DPP9: variants seen among roughly 807,000 people sequenced by gnomAD.
DPP9 encodes dipeptidyl peptidase IV-related protein-2.
In DPP9, 50 loss-of-function variants were observed where a neutral mutation model predicts 110.7. The observed-to-expected ratio is 0.45, with a 90% confidence interval of 0.36 to 0.57. DPP9 has a LOEUF of 0.57. DPP9 is among the 20% of genes least tolerant of loss of function. The pLI, the probability that DPP9 is intolerant of heterozygous loss-of-function variation, is 0.00. For missense variants in DPP9, 1,022 were observed against 1,217.9 expected (o/e 0.84, Z 2.39); for synonymous variants, 561 against 514.4 (o/e 1.09, Z -1.23).
At chr19:4,690,501 G>A (rs932139924) in intron 14 of DPP9, among the ~76,000 whole-genome samples, 10 of 152,218 alleles carry the variant, frequency 6.6e-5, no homozygotes, top group African/African-American at 2.4e-4. Context: ...GGAGCATCAT[G>A]CCCCACAACA....
At position 4,685,849 on chromosome 19, in the gene DPP9, A is replaced by G; in HGVS notation, c.1886-78T>C. ...ACACCCTTGTTCTCCTGCCCACCCCAAGCCTTGGAGGGTGGACCAAAGCAC... is the reference window on the plus strand; with the variant it reads ...ACACCCTTGTTCTCCTGCCCACCCCGAGCCTTGGAGGGTGGACCAAAGCAC... On this transcript the variant is annotated intron_variant, in intron 16 of 21. Transcript: ENST00000262960. The surrounding 1 kb of genome is among the most constrained non-coding windows in gnomAD (Gnocchi z 5.8). The G allele has an allele frequency of 6.5e-7, 1 of 1,548,440 alleles. No homozygotes were observed. Among genetic ancestry groups the G allele is most frequent in the East Asian group, 2.3e-5 (1 of 43,860 alleles).
At chr19:4,706,262 C>T (rs143383684) in intron 4 of DPP9, among the ~76,000 whole-genome samples, 2 of 147,396 alleles carry the variant, frequency 1.4e-5, no homozygotes, top group Non-Finnish European at 3.0e-5. Context: ...TTTGGGAGGC[C>T]GAGGCGAGAG....
In DPP9 at chr19:4,685,053, C is replaced by G; in HGVS notation, c.2032-244G>C. On this transcript the variant is annotated intron_variant, in intron 17 of 21. Coordinates refer to ENST00000262960, the MANE Select transcript of DPP9 (RefSeq NM_139159.5). This position sits in a 1 kb window ranked among gnomAD's most constrained non-coding sequence, Gnocchi z 5.8. ...GCTCTTTCTCAGCTGGGCCACTGCC[C>G]CAGTCCTGCCTGGAACAACTACTCT... 2 of 665,570 alleles carry G rather than the reference C, an allele frequency of 3.0e-6. No individual in the cohort carries two copies. Among genetic ancestry groups the G allele is most frequent in the Non-Finnish European group, 5.5e-6 (2 of 362,290 alleles). 41.2% of individuals were successfully genotyped at this position (665,570 alleles called of 1,614,324 possible).
chr19:4,686,318 ATT>A (rs397859631), intron 16 of DPP9, among the ~76,000 whole-genome samples: 2,079 of 105,588 alleles, frequency 0.02, 45 homozygotes, highest in African/African-American at 0.065. Flanking sequence ...CTCGAACTGT[ATT>A]TTTTTTTTTT....
chr19:4,715,034 T>TAC, intron 3 of DPP9, among the ~76,000 whole-genome samples: 1 of 130,536 alleles, frequency 7.7e-6, no homozygotes, highest in South Asian at 2.7e-4. Flanking sequence ...TTTTTTTTTT[T>TAC]TTTTTTTTTT....
At position 4,693,706 on chromosome 19, in the gene DPP9, A is replaced by C. The variant is rs2091531619; in HGVS notation, c.1516+955T>G. 6.6e-6 allele frequency among the ~76,000 whole-genome samples: 1 copy of C among 151,988 alleles called. No individual in the cohort carries two copies. Among genetic ancestry groups the C allele is most frequent in the African/African-American group, 2.4e-5 (1 of 41,396 alleles). ...CCTGTGTGCAAGCTGCAACCAGAGG[A>C]GTCATCTGAAACTGAGGTGAGGGTG... On this transcript the variant is annotated intron_variant, in intron 13 of 21. Coordinates refer to ENST00000262960, the MANE Select transcript of DPP9 (RefSeq NM_139159.5). The surrounding 1 kb of genome is among the most constrained non-coding windows in gnomAD (Gnocchi z 5.0).
Position 4,704,796 on chromosome 19 carries a change from C to T in DPP9, c.427-492G>A, listed in dbSNP as rs1281775381. On this transcript the variant is annotated intron_variant, in intron 5 of 21. Transcript: ENST00000262960. The surrounding 1 kb of genome is among the most constrained non-coding windows in gnomAD (Gnocchi z 6.0). ...TGGGCAGATCACGAGGTCAGAAATT[C>T]GAGACCAGCCTGGCCAATATGGTGA... Among the ~76,000 whole-genome samples, 4 of 152,134 alleles carry T rather than the reference C, an allele frequency of 2.6e-5. No homozygotes were observed. The East Asian group carries it at 5.8e-4, about 22-fold the overall frequency.
rs1228354097 is a variant in DPP9, at chr19:4,714,270, C to T, written c.124G>A (p.Asp42Asn). 4 of 1,560,994 alleles carry T rather than the reference C, an allele frequency of 2.6e-6. No homozygotes were observed. The highest frequency in any genetic ancestry group is 1.2e-5 in the South Asian group (1 of 86,128). ...TTGTPTADRGDAAATDDPAAR... is the reference protein window; with the variant it reads ...TTGTPTADRGNAAATDDPAAR... ...GCCGGGTCATCTGTGGCGGCTGCGTCGCCTCGGTCGGCCGTTGGGGTCCCG... is the reference window on the plus strand; with the variant it reads ...GCCGGGTCATCTGTGGCGGCTGCGTTGCCTCGGTCGGCCGTTGGGGTCCCG... Residue 42 changes from aspartate to asparagine, a missense_variant, in exon 4 of 22, where the codon GAC (aspartate) becomes AAC (asparagine). This residue lies in a region of DPP9 where 810 missense variants were observed against 920.6 expected (regional missense o/e 0.88). Coordinates refer to ENST00000262960, the MANE Select transcript of DPP9 (RefSeq NM_139159.5).
rs753775746 is a variant in DPP9, at chr19:4,689,827, C to T, written c.1597-105G>A. The stretch of plus-strand genomic sequence containing the variant: ...GGCCCCATGTTCCTCGGACTGGGGA[C>T]GCATGCTGTCCTCGCCCAAGTCTGG... On this transcript the variant is annotated intron_variant, in intron 14 of 21. Coordinates refer to ENST00000262960, the MANE Select transcript of DPP9 (RefSeq NM_139159.5). This position sits in a 1 kb window ranked among gnomAD's most constrained non-coding sequence, Gnocchi z 7.0. 32 of 1,252,534 alleles carry T rather than the reference C, an allele frequency of 2.6e-5. No homozygotes were observed. Among genetic ancestry groups the T allele is most frequent in the East Asian group, 1.9e-4 (7 of 37,480 alleles). 77.6% of individuals were successfully genotyped at this position (1,252,534 alleles called of 1,614,324 possible).
intron 20 of DPP9, among the ~76,000 whole-genome samples, chr19:4,680,954 CAACAA>C (rs1053988959): frequency 2.6e-5 from 4 of 152,122 alleles, no homozygotes; most frequent in African/African-American, 7.2e-5. Context: ...GAGACTCTCT[CAACAA>C]AACAAAACAA....
Position 4,682,623 on chromosome 19 carries a change from C to G in DPP9, c.2474+73G>C. 3.8e-6 allele frequency: 6 copies of G among 1,563,782 alleles called. No homozygotes were observed. The highest frequency in any genetic ancestry group is 5.2e-6 in the Non-Finnish European group (6 of 1,155,790). On this transcript the variant is annotated intron_variant, in intron 20 of 21. Coordinates refer to ENST00000262960, the MANE Select transcript of DPP9 (RefSeq NM_139159.5). This position sits in a 1 kb window ranked among gnomAD's most constrained non-coding sequence, Gnocchi z 7.1. ...GGGCCAGCTGGGGCAGGAGGGCACC[C>G]TCATAGAGACAGCTGGTGCCGGGGT... is the stretch of plus-strand genomic sequence containing the variant.
rs781751119 is a variant in DPP9, at chr19:4,684,567, G to A, written c.2178+96C>T. 5 of 1,433,264 alleles carry A rather than the reference G, an allele frequency of 3.5e-6. No individual in the cohort carries two copies. The highest frequency in any genetic ancestry group is 1.8e-4 in the Middle Eastern group (1 of 5,510). The allele number at this position is 1,433,264 out of a possible 1,614,324, so 88.8% of individuals were successfully genotyped here. A position where few individuals can be genotyped will look rare whatever the true frequency, so the allele number is the denominator to read the frequency against. On this transcript the variant is annotated intron_variant, in intron 18 of 21. Coordinates refer to ENST00000262960, the MANE Select transcript of DPP9 (RefSeq NM_139159.5). This position sits in a 1 kb window ranked among gnomAD's most constrained non-coding sequence, Gnocchi z 4.8. ...CAGCCAGAAGTGCCCTTCTGCGGGT[G>A]GTATTCCAGAGCCGCTCCCATGCCC...
chr19:4,706,116 A>G (rs2145787508), intron 4 of DPP9, 146 bp from the exon 5 acceptor site: 3 of 641,798 alleles, frequency 4.7e-6, no homozygotes, highest in East Asian at 3.0e-5. Context: ...CCGGAAAGCT[A>G]TGGATCCTGG....
At chr19:4,690,112 C>A (rs1053553729) in intron 14 of DPP9, among the ~76,000 whole-genome samples, 1 of 152,242 alleles carries the variant, frequency 6.6e-6, no homozygotes, top group Non-Finnish European at 1.5e-5. Context: ...TTCCTCCGAC[C>A]CAGGTGCTTG....
chr19:4,703,854 T>C, intron 7 of DPP9, 32 bp downstream of exon 7: 2 of 1,576,090 alleles, frequency 1.3e-6, no homozygotes, highest in Non-Finnish European at 1.7e-6. Context: ...CAGGTGGCTA[T>C]GGTGGCCGTG....
Position 4,689,003 on chromosome 19 carries a change from C to T in DPP9, c.1750-111G>A. On this transcript the variant is annotated intron_variant, in intron 15 of 21. Transcript: ENST00000262960. The surrounding 1 kb of genome is among the most constrained non-coding windows in gnomAD (Gnocchi z 7.0). ...CCTCCCGCCCGCCCCCATCCCTCTG[C>T]CCCTGCCTGTCATGAAACCTCAAAG... is the stretch of plus-strand genomic sequence containing the variant. 2 of 1,270,838 alleles carry T rather than the reference C, an allele frequency of 1.6e-6. No homozygotes were observed. The highest frequency in any genetic ancestry group is 2.7e-4 in the Middle Eastern group (1 of 3,646). The allele number at this position is 1,270,838 out of a possible 1,614,324, so 78.7% of individuals were successfully genotyped here. A position where few individuals can be genotyped will look rare whatever the true frequency, so the allele number is the denominator to read the frequency against.
At position 4,685,324 on chromosome 19, in the gene DPP9, C is replaced by A. The variant is rs1292203926; in HGVS notation, c.2031+302G>T. The A allele has an allele frequency of 1.7e-6, 1 of 588,426 alleles. No homozygotes were observed. The highest frequency in any genetic ancestry group is 1.5e-5 in the South Asian group (1 of 65,760). 36.5% of individuals were successfully genotyped at this position (588,426 alleles called of 1,614,324 possible). On this transcript the variant is annotated intron_variant, in intron 17 of 21. Coordinates refer to ENST00000262960, the MANE Select transcript of DPP9 (RefSeq NM_139159.5). The surrounding 1 kb of genome is among the most constrained non-coding windows in gnomAD (Gnocchi z 5.8). ...CAGGAATTGGGCCCAGGGCCCATGG[C>A]CACCTCCATACCAACCTGGAGACTA...
intron 3 of DPP9, among the ~76,000 whole-genome samples, chr19:4,719,015 C>T (rs1304692638): frequency 6.6e-6 from 1 of 152,052 alleles, no homozygotes; most frequent in Non-Finnish European, 1.5e-5. Context: ...TTTTAGGGCA[C>T]TTCTTCAGTT....
chr19:4,699,133 T>G (rs976795092), intron 10 of DPP9, among the ~76,000 whole-genome samples: 1 of 120,472 alleles, frequency 8.3e-6, no homozygotes. Flanking sequence ...CACTCCAGCC[T>G]GGGCGACAGA....
Sources: gnomAD v4.1 joint callset for allele counts (sites outside exome capture counted in the v4.1 genomes callset) on GRCh38, gnomAD v4.1.1 for gene constraint, gnomAD v4.1.1 regional missense constraint, Gnocchi (gnomAD v3.1) non-coding constraint, MANE v1.5 for transcripts, NCBI Gene and HGNC (gene_info 2026-07-23, HGNC 2026-07-21) for gene names.